BFAR: variants seen among roughly 807,000 people sequenced by gnomAD.
The protein encoded by BFAR is bifunctional apoptosis regulator, also known as RING finger protein 47.
BFAR carries 52 observed loss-of-function variants against 54.4 expected under a neutral mutation model. The ratio of observed to expected loss-of-function variants is 0.96; its 90% CI spans 0.77 to 1.21. BFAR has a LOEUF of 1.21. Ranked by LOEUF, BFAR falls within the 50% of genes most tolerant of loss-of-function variation. The pLI, the probability that BFAR is intolerant of heterozygous loss-of-function variation, is 0.00. For missense variants in BFAR, 571 were observed against 534.0 expected (o/e 1.07, Z -0.68); for synonymous variants, 215 against 204.3 (o/e 1.05, Z -0.45).
chr16:14,660,918 A>G (rs534628364), intron 5 of BFAR, among the ~76,000 whole-genome samples: 1 of 151,984 alleles, frequency 6.6e-6, no homozygotes, highest in South Asian at 2.1e-4. Context: ...TAAAAAAATT[A>G]AGAGACTGGG....
At chr16:14,663,336 AT>A (rs879825451) in intron 6 of BFAR, among the ~76,000 whole-genome samples, 132 of 142,970 alleles carry the variant, frequency 9.2e-4, no homozygotes, top group Non-Finnish European at 7.8e-4. Flanking sequence ...CATCAGGCTA[AT>A]TTTTTTTTTT....
At position 14,662,026 on chromosome 16, in the gene BFAR, A is replaced by G; in HGVS notation, c.918A>G (p.Gln306=). The change falls in exon 6 of 8, where the codon CAA becomes CAG. Residue 306 remains glutamine, a synonymous_variant. Transcript: ENST00000261658. ...TCATCCACACCATCTGCCCTCTGCA[A>G]GAAGACAGCTCTGGGGAGGACATCG... ...LPFIHTICPL[Q]EDSSGEDIVT... 1 of 1,614,184 alleles carries G rather than the reference A, an allele frequency of 6.2e-7. No homozygotes were observed. The highest frequency in any genetic ancestry group is 8.5e-7 in the Non-Finnish European group (1 of 1,180,028).
At chr16:14,635,442 A>T (rs1057136952) in intron 1 of BFAR, among the ~76,000 whole-genome samples, 1 of 152,108 alleles carries the variant, frequency 6.6e-6, no homozygotes, top group Admixed American at 6.5e-5. Flanking sequence ...CTTGGTAACT[A>T]ACCATAGTTT....
Position 14,655,085 on chromosome 16 carries a change from G to T in BFAR, c.658G>T (p.Glu220Ter), listed in dbSNP as rs1297659401. 1 of 1,609,426 alleles carries T rather than the reference G, an allele frequency of 6.2e-7. No homozygotes were observed. Among genetic ancestry groups the T allele is most frequent in the Admixed American group, 1.7e-5 (1 of 58,542 alleles). Reference protein sequence around the residue: ...VNGRLLLTLTEEEFSKTPYTI... With the variant: ...VNGRLLLTLT ...CTACAGGTTGCTTTTAACTTTGACA[G>T]AGGAAGAATTTTCCAAGACGCCCTA... The change falls in exon 5 of 8, where the codon GAG becomes TAG. Residue 220 changes from glutamate (E) to a stop codon, truncating the protein, a stop_gained. Coordinates refer to ENST00000261658, the MANE Select transcript of BFAR (RefSeq NM_016561.3). LOFTEE classifies it high-confidence loss of function.
chr16:14,640,259 C>G (rs1199548922), intron 1 of BFAR, among the ~76,000 whole-genome samples: 1 of 151,924 alleles, frequency 6.6e-6, no homozygotes, highest in Non-Finnish European at 1.5e-5. Flanking sequence ...CCATATATAC[C>G]CATTAGTACA....
At chr16:14,647,956 T>C (rs1313163017) in intron 2 of BFAR, among the ~76,000 whole-genome samples, 2 of 151,762 alleles carry the variant, frequency 1.3e-5, no homozygotes, top group Admixed American at 1.3e-4. Flanking sequence ...AAAGTAATGG[T>C]AGGCTGGGTG....
intron 2 of BFAR, among the ~76,000 whole-genome samples, chr16:14,645,411 TTCCAGTTATCAC>T (rs1959763617): frequency 6.6e-6 from 1 of 152,218 alleles, no homozygotes; most frequent in African/African-American, 2.4e-5. Flanking sequence ...ATAACCCCAG[TTCCAGTTATCAC>T]ATTAATAGAG....
chr16:14,656,028 G>C (rs566887763), intron 5 of BFAR, among the ~76,000 whole-genome samples: 3 of 152,140 alleles, frequency 2.0e-5, no homozygotes, highest in African/African-American at 7.2e-5. Context: ...TGGCCAACGT[G>C]GTGAAACCCC....
chr16:14,660,746 C>T (rs1471777718), intron 5 of BFAR, among the ~76,000 whole-genome samples: 2 of 149,864 alleles, frequency 1.3e-5, no homozygotes, highest in Non-Finnish European at 3.0e-5. Context: ...ACTGAAAATA[C>T]AAAAATTAGC....
Position 14,664,895 on chromosome 16 carries a change from G to A in BFAR, c.984G>A (p.Gln328=). Residue 328 remains glutamine, a synonymous_variant, in exon 7 of 8, where the codon CAG becomes CAA. Coordinates refer to ENST00000261658, the MANE Select transcript of BFAR (RefSeq NM_016561.3). The part of the protein sequence containing the change: ...LLDLKEPTWK[Q]WREFLVKYSF... ...ATCTTAAGGAGCCTACGTGGAAGCA[G>A]TGGAGAGAGTTCCTGGTCAAATACT... 6.2e-7 allele frequency: 1 copy of A among 1,614,052 alleles called. No homozygotes were observed. The highest frequency in any genetic ancestry group is 8.5e-7 in the Non-Finnish European group (1 of 1,179,940).
intron 4 of BFAR, among the ~76,000 whole-genome samples, chr16:14,652,785 G>GTA (rs1329164046): frequency 2.0e-5 from 3 of 151,930 alleles, no homozygotes; most frequent in South Asian, 2.1e-4. Context: ...ATGTATACAT[G>GTA]TATATATATA....
intron 1 of BFAR, among the ~76,000 whole-genome samples, chr16:14,637,249 G>C (rs1410167533): frequency 6.6e-6 from 1 of 152,134 alleles, no homozygotes; most frequent in Non-Finnish European, 1.5e-5. Context: ...GCATCTCTAT[G>C]ATGTGGCCTA....
chr16:14,657,538 G>A lies in BFAR; in HGVS notation c.783+2328G>A, dbSNP rs1240013090. Among the ~76,000 whole-genome samples the A allele has an allele frequency of 3.3e-5, 5 of 151,350 alleles. No individual in the cohort carries two copies. In the East Asian group the frequency reaches 5.9e-4, roughly 18 times the overall value. On this transcript the variant is annotated intron_variant, in intron 5 of 7. Coordinates refer to ENST00000261658, the MANE Select transcript of BFAR (RefSeq NM_016561.3). ...GCTGGGATTACAGGTGTGAGCCACCGCGCCTGACCTGTTTTTGTTTTTTTG... is the reference window on the plus strand; with the variant it reads ...GCTGGGATTACAGGTGTGAGCCACCACGCCTGACCTGTTTTTGTTTTTTTG...
At chr16:14,667,550 G>C (rs1489063247) in intron 7 of BFAR, 85 bp from the exon 8 acceptor site, 1 of 1,303,610 alleles carries the variant, frequency 7.7e-7, no homozygotes, top group Non-Finnish European at 1.1e-6. Flanking sequence ...GCTCTTCCCA[G>C]CACCCAGAAA....
intron 5 of BFAR, among the ~76,000 whole-genome samples, chr16:14,657,090 G>A (rs544312449): frequency 1.3e-5 from 2 of 152,152 alleles, no homozygotes; most frequent in East Asian, 3.9e-4. Context: ...GTGACAGAGT[G>A]AGACACTGTC....
Position 14,644,456 on chromosome 16 carries a change from G to C in BFAR, c.110G>C (p.Cys37Ser). 1 of 1,614,048 alleles carries C rather than the reference G, an allele frequency of 6.2e-7. No individual in the cohort carries two copies. The change falls in exon 2 of 8, where the codon TGC becomes TCC. Residue 37 changes from cysteine (C) to serine (S), a missense_variant. Physicochemically the swap from Cys to Ser is moderately radical, Grantham distance 112. Coordinates refer to ENST00000261658, the MANE Select transcript of BFAR (RefSeq NM_016561.3). Reference sequence around the variant, plus strand: ...GTTAGTGAATTTTCTTGCCACTGCTGCTACGACATCCTGGTTAACCCCACC... The same window carrying C: ...GTTAGTGAATTTTCTTGCCACTGCTCCTACGACATCCTGGTTAACCCCACC... ...ISVSEFSCHCCYDILVNPTTL... is the reference protein window; with the variant it reads ...ISVSEFSCHCSYDILVNPTTL...
At chr16:14,662,485 G>T (rs911283461) in intron 6 of BFAR, among the ~76,000 whole-genome samples, 1 of 152,074 alleles carries the variant, frequency 6.6e-6, no homozygotes, top group Non-Finnish European at 1.5e-5. Flanking sequence ...TACCTCACCA[G>T]ACTGGCTGTG....
At chr16:14,659,388 C>T (rs1178466672) in intron 5 of BFAR, among the ~76,000 whole-genome samples, 1 of 151,660 alleles carries the variant, frequency 6.6e-6, no homozygotes, top group East Asian at 1.9e-4. Flanking sequence ...ACTACAGGTG[C>T]CCACCACCAC....
At chr16:14,667,274 A>C in intron 7 of BFAR, 1 of 211,634 alleles carries the variant, frequency 4.7e-6, no homozygotes, top group Non-Finnish European at 9.4e-6. Flanking sequence ...CTGGAGGTCA[A>C]GGCTGCAGTT....
Sources: gnomAD v4.1 joint callset for allele counts (sites outside exome capture counted in the v4.1 genomes callset) on GRCh38, gnomAD v4.1.1 for gene constraint, MANE v1.5 for transcripts, NCBI Gene and HGNC (gene_info 2026-07-23, HGNC 2026-07-21) for gene names.